The following RGS6 variants were observed in gnomAD, a reference collection of about 807,000 sequenced individuals.
The protein encoded by RGS6 is regulator of G protein signaling 6, also known as regulator of G-protein signaling 6.
In RGS6, 30 loss-of-function variants were observed where a neutral mutation model predicts 78.5. The observed-to-expected ratio is 0.38, with a 90% CI of 0.29 to 0.52. RGS6 has a LOEUF of 0.52. Ranked by LOEUF, RGS6 falls within the 20% of genes least tolerant of loss-of-function variation. The probability of loss-of-function intolerance (pLI) is 0.85; values close to 1 mark genes in which losing one functional copy is unlikely to be tolerated. For synonymous variants in RGS6, 206 were observed against 206.0 expected (o/e 1.00, Z 0.00); for missense variants, 495 against 609.7 (o/e 0.81, Z 1.98).
the RGS6 span, among the ~76,000 whole-genome samples, chr14:72,621,040 C>A: frequency 6.6e-6 from 1 of 151,686 alleles, no homozygotes; most frequent in Non-Finnish European, 1.5e-5. Context: ...ACTCAGGAGG[C>A]TGAGGCAGGA....
chr14:72,052,655 A>ATT (rs59700003), intron 2 of RGS6, among the ~76,000 whole-genome samples: 2 of 152,152 alleles, frequency 1.3e-5, no homozygotes, highest in East Asian at 1.9e-4. Context: ...TTCTTACTGA[A>ATT]TTTTTTAATG....
chr14:72,039,035 G>GT (rs1474790093), intron 2 of RGS6, among the ~76,000 whole-genome samples: 1 of 152,120 alleles, frequency 6.6e-6, no homozygotes, highest in Admixed American at 6.5e-5. Flanking sequence ...ATCCTTGTTG[G>GT]TTTTCCAATG....
At chr14:72,397,780 A>G (rs1026230304) in intron 3 of RGS6, among the ~76,000 whole-genome samples, 4 of 152,170 alleles carry the variant, frequency 2.6e-5, no homozygotes, top group Non-Finnish European at 4.4e-5. Flanking sequence ...AATTTTGTCA[A>G]AGGCCTTTTC....
At chr14:72,318,142 T>C (rs2070849225) in intron 2 of RGS6, among the ~76,000 whole-genome samples, 1 of 152,040 alleles carries the variant, frequency 6.6e-6, no homozygotes, top group African/African-American at 2.4e-5. Flanking sequence ...CCACCCTCTA[T>C]TGCTCAGTGT....
intron 4 of RGS6, among the ~76,000 whole-genome samples, chr14:72,457,084 T>TA (rs747066432): frequency 0.14 from 11,795 of 82,030 alleles, 1,008 homozygotes; most frequent in Middle Eastern, 0.21. Context: ...GACCTGTCTC[T>TA]AAAAAAAAAA....
chr14:71,871,864 C>T, the RGS6 span, among the ~76,000 whole-genome samples: 1,843 of 152,280 alleles, frequency 0.012, 23 homozygotes, highest in African/African-American at 0.029. Context: ...CCCCTACTGT[C>T]GAATGAATTT....
At chr14:72,402,028 A>G (rs1396779336) in intron 3 of RGS6, among the ~76,000 whole-genome samples, 1 of 152,192 alleles carries the variant, frequency 6.6e-6, no homozygotes, top group East Asian at 1.9e-4. Context: ...GGGGGAAGGA[A>G]CCCATAGCAG....
rs1043334586 is a variant in RGS6, at chr14:72,271,430, T to C, written c.85-80665T>C. Among the ~76,000 whole-genome samples, 4 of 152,312 alleles carry C rather than the reference T, an allele frequency of 2.6e-5. 1 individual carries two copies. The stretch of plus-strand genomic sequence containing the variant: ...CCCCCATGATTAACTTACCTCCCAC[T>C]GAGTCCCTCCACGACACATGGGAAT... On this transcript the variant is annotated intron_variant, in intron 2 of 17. Transcript: ENST00000553525.
intron 3 of RGS6, among the ~76,000 whole-genome samples, chr14:72,365,345 A>T (rs991748532): frequency 1.3e-5 from 2 of 152,222 alleles, no homozygotes; most frequent in African/African-American, 4.8e-5. Context: ...CAGAAAATTG[A>T]TATCCAGTTT....
At chr14:72,391,612 C>T (rs778588147) in intron 3 of RGS6, among the ~76,000 whole-genome samples, 2 of 152,188 alleles carry the variant, frequency 1.3e-5, no homozygotes, top group Non-Finnish European at 2.9e-5. Flanking sequence ...TGTATATACA[C>T]ACACACTTTA....
intron 1 of RGS6, among the ~76,000 whole-genome samples, chr14:71,946,282 T>C (rs1464703067): frequency 6.6e-6 from 1 of 152,050 alleles, no homozygotes; most frequent in East Asian, 1.9e-4. Flanking sequence ...GGCTGAGAAA[T>C]TGTGATTGCT....
chr14:72,509,287 C>T (rs1486583387), intron 13 of RGS6, among the ~76,000 whole-genome samples: 2 of 151,770 alleles, frequency 1.3e-5, no homozygotes, highest in East Asian at 1.9e-4. Flanking sequence ...ATTGCTTGAA[C>T]CCGGCGGGCA....
chr14:72,110,173 C>G (rs557034928), intron 2 of RGS6, among the ~76,000 whole-genome samples: 84 of 152,208 alleles, frequency 5.5e-4, no homozygotes, highest in Non-Finnish European at 1.0e-3. Flanking sequence ...ACATCATTGG[C>G]TGCTTTGTAT....
At chr14:72,186,011 C>T (rs2097239713) in intron 2 of RGS6, among the ~76,000 whole-genome samples, 1 of 152,198 alleles carries the variant, frequency 6.6e-6, no homozygotes. Flanking sequence ...CAAAATAATC[C>T]TGTGAGTATT....
chr14:72,473,542 A>C (rs1028068587), intron 9 of RGS6, among the ~76,000 whole-genome samples: 7 of 152,238 alleles, frequency 4.6e-5, no homozygotes, highest in Non-Finnish European at 8.8e-5. Flanking sequence ...GAAGGTTTAC[A>C]TTCCCCAAAT....
chr14:71,930,563 A>T (rs1444633386), upstream of RGS6, among the ~76,000 whole-genome samples: 1 of 151,264 alleles, frequency 6.6e-6, no homozygotes, highest in Non-Finnish European at 1.5e-5. Context: ...GATTTCACAT[A>T]TTTTTTTTTA....
At chr14:71,940,348 T>A (rs1427295083) in intron 1 of RGS6, among the ~76,000 whole-genome samples, 1 of 152,218 alleles carries the variant, frequency 6.6e-6, no homozygotes, top group Non-Finnish European at 1.5e-5. Context: ...CTCCCCTTTG[T>A]CCAAAGGGTT....
At chr14:72,177,878 G>C (rs1351626006) in intron 2 of RGS6, among the ~76,000 whole-genome samples, 2 of 152,270 alleles carry the variant, frequency 1.3e-5, no homozygotes, top group South Asian at 4.1e-4. Flanking sequence ...ACTACATGTC[G>C]AGAGAATACG....
intron 17 of RGS6, 104 bp from the exon 18 acceptor site, chr14:72,562,313 G>T: frequency 8.5e-7 from 1 of 1,175,284 alleles, no homozygotes; most frequent in Middle Eastern, 1.9e-4. Context: ...TTGGTCGTTT[G>T]GCCTACATGG....
Sources: allele counts gnomAD v4.1 joint callset (sites outside exome capture counted in the v4.1 genomes callset), GRCh38; gene constraint gnomAD v4.1.1; transcripts MANE v1.5; gene names NCBI Gene and HGNC (gene_info 2026-07-23, HGNC 2026-07-21).